The following DCDC1 variants were observed in gnomAD, a reference collection of about 807,000 sequenced individuals.
DCDC1 encodes doublecortin domain-containing protein 1.
Under a neutral mutation model 178.3 loss-of-function variants are expected in DCDC1, and 200 were observed. The observed-to-expected ratio is 1.12, with a 90% CI of 1.00 to 1.26. The LOEUF is 1.26. DCDC1 is among the 50% of genes most tolerant of loss of function. The probability of loss-of-function intolerance (pLI) is 0.00; values close to 1 mark genes in which losing one functional copy is unlikely to be tolerated. For missense variants in DCDC1, 1,983 were observed against 1,749.2 expected (o/e 1.13, Z -2.38); for synonymous variants, 690 against 604.8 (o/e 1.14, Z -2.07).
At chr11:31,101,499 C>T (rs1958500413) in intron 15 of DCDC1, among the ~76,000 whole-genome samples, 1 of 151,996 alleles carries the variant, frequency 6.6e-6, no homozygotes, top group Non-Finnish European at 1.5e-5. Flanking sequence ...ACCTGTAGAG[C>T]AAATAGATCA....
intron 8 of DCDC1, among the ~76,000 whole-genome samples, chr11:31,261,354 C>A (rs2137071087): frequency 6.6e-6 from 1 of 152,194 alleles, no homozygotes; most frequent in Admixed American, 6.5e-5. Flanking sequence ...CCCTAGTTTC[C>A]CCATATCCCT....
At chr11:31,054,052 T>G (rs954982689) in intron 20 of DCDC1, among the ~76,000 whole-genome samples, 7 of 152,088 alleles carry the variant, frequency 4.6e-5, no homozygotes, top group Admixed American at 3.9e-4. Context: ...GCTGATGATA[T>G]GATTGTTTTA....
chr11:31,069,281 A>T lies in DCDC1; in HGVS notation c.2299-4128T>A, dbSNP rs571725635. ...TTTGGAACGAGATTTTTGAATCACT[A>T]AGCTAATCCAAAACATTAGCAAAAA... On this transcript the variant is annotated intron_variant, in intron 18 of 38. Coordinates refer to ENST00000684477, the MANE Select transcript of DCDC1 (RefSeq NM_001387274.1). Among the ~76,000 whole-genome samples, 165 of 152,340 alleles carry T rather than the reference A, an allele frequency of 1.1e-3. 3 individuals are homozygous for T. Among genetic ancestry groups the T allele is most frequent in the Non-Finnish European group, 3.7e-4 (25 of 68,022 alleles).
intron 1 of DCDC1, among the ~76,000 whole-genome samples, chr11:31,363,185 C>A (rs1951795302): frequency 6.6e-6 from 1 of 151,892 alleles, no homozygotes; most frequent in Non-Finnish European, 1.5e-5. Flanking sequence ...AAAATATTAA[C>A]CAACACTAAC....
intron 9 of DCDC1, among the ~76,000 whole-genome samples, chr11:31,211,848 C>T (rs544792886): frequency 3.3e-5 from 5 of 152,030 alleles, no homozygotes; most frequent in South Asian, 4.2e-4. Flanking sequence ...TTTGGAAGGC[C>T]GAGGCAGGTG....
chr11:30,987,626 A>G (rs1950730115), intron 20 of DCDC1, among the ~76,000 whole-genome samples: 1 of 151,860 alleles, frequency 6.6e-6, no homozygotes, highest in Non-Finnish European at 1.5e-5. Flanking sequence ...AATGACAAGA[A>G]AAAATGAGCC....
At chr11:30,996,924 T>C (rs560936660) in intron 20 of DCDC1, among the ~76,000 whole-genome samples, 1 of 152,280 alleles carries the variant, frequency 6.6e-6, no homozygotes, top group South Asian at 2.1e-4. Context: ...TCACCAAATA[T>C]TGAAAACAAC....
Position 30,963,624 on chromosome 11 carries a change from G to C in DCDC1, c.2592-11056C>G, listed in dbSNP as rs557144574. 2.6e-5 allele frequency among the ~76,000 whole-genome samples: 4 copies of C among 152,222 alleles called. 1 individual carries two copies. Among genetic ancestry groups the C allele is most frequent in the African/African-American group, 9.6e-5 (4 of 41,544 alleles). On this transcript the variant is annotated intron_variant, in intron 20 of 38. Transcript: ENST00000684477. ...TCCCACTGACTGAGAGATGATAAGAGCTGGACTAACTGCTTTAGAGCCATA... is the reference window on the plus strand; with the variant it reads ...TCCCACTGACTGAGAGATGATAAGACCTGGACTAACTGCTTTAGAGCCATA...
chr11:31,168,700 T>A (rs1966867558), intron 9 of DCDC1, among the ~76,000 whole-genome samples: 1 of 152,156 alleles, frequency 6.6e-6, no homozygotes, highest in Non-Finnish European at 1.5e-5. Flanking sequence ...CTTAGTGGAA[T>A]CTCTTCGTAT....
In DCDC1 at chr11:31,052,582, AGG is replaced by A. The variant is rs1448185025; in HGVS notation, c.2591+11885_2591+11886del. Among the ~76,000 whole-genome samples, 16 of 152,346 alleles carry A rather than the reference AGG, an allele frequency of 1.1e-4. No homozygotes were observed. In the East Asian group the frequency reaches 2.9e-3, roughly 28 times the overall value. ...TTCAACAGTGCATGGAACTTTCACC[AGG>A]ATAGACCATATGATAGGCCATAAAA... On this transcript the variant is annotated intron_variant, in intron 20 of 38. Transcript: ENST00000684477.
intron 14 of DCDC1, 141 bp from the exon 15 acceptor site, chr11:31,102,423 A>G (rs1958572333): frequency 4.4e-6 from 2 of 455,712 alleles, no homozygotes; most frequent in Non-Finnish European, 7.9e-6. Flanking sequence ...TCTTGCCTGG[A>G]AAGTACCAGC....
chr11:30,938,346 C>T (rs1301669971), intron 21 of DCDC1, among the ~76,000 whole-genome samples: 1 of 152,120 alleles, frequency 6.6e-6, no homozygotes, highest in Non-Finnish European at 1.5e-5. Context: ...CAAAGACGGA[C>T]AGCTCTGCTG....
intron 9 of DCDC1, among the ~76,000 whole-genome samples, chr11:31,232,021 C>T (rs1342696193): frequency 1.3e-5 from 2 of 152,168 alleles, no homozygotes; most frequent in East Asian, 1.9e-4. Flanking sequence ...ATCTCAGATC[C>T]TGAGACTGAG....
chr11:31,325,579 T>C (rs1949602525), intron 3 of DCDC1, among the ~76,000 whole-genome samples: 1 of 151,768 alleles, frequency 6.6e-6, no homozygotes, highest in Non-Finnish European at 1.5e-5. Context: ...AGGAAACACA[T>C]GGAAAGAAAG....
intron 3 of DCDC1, among the ~76,000 whole-genome samples, chr11:31,312,000 C>T (rs1330638031): frequency 1.3e-5 from 2 of 152,046 alleles, no homozygotes; most frequent in South Asian, 2.1e-4. Context: ...GTGCTTGGGG[C>T]CAGAAGAATC....
chr11:30,888,135 A>G (rs1266686223), intron 36 of DCDC1, among the ~76,000 whole-genome samples: 7 of 146,168 alleles, frequency 4.8e-5, no homozygotes, highest in African/African-American at 1.8e-4. Context: ...AGAAAGAAAG[A>G]AAGAAAGAAA....
intron 20 of DCDC1, among the ~76,000 whole-genome samples, chr11:30,996,465 G>C (rs900334370): frequency 1.1e-4 from 13 of 115,482 alleles, no homozygotes; most frequent in Non-Finnish European, 2.6e-4. Context: ...TTAATCCCCA[G>C]TGCAAGAGTA....
At chr11:31,013,671 C>A (rs1952305720) in intron 20 of DCDC1, among the ~76,000 whole-genome samples, 1 of 152,110 alleles carries the variant, frequency 6.6e-6, no homozygotes, top group African/African-American at 2.4e-5. Flanking sequence ...GTACAACAAT[C>A]CCTTCACTGC....
At chr11:31,021,309 T>A (rs911096789) in intron 20 of DCDC1, among the ~76,000 whole-genome samples, 1 of 152,168 alleles carries the variant, frequency 6.6e-6, no homozygotes, top group Non-Finnish European at 1.5e-5. Context: ...TTAAAAAGCA[T>A]AAGACTAGAA....
Sources: allele counts gnomAD v4.1 joint callset (sites outside exome capture counted in the v4.1 genomes callset), GRCh38; gene constraint gnomAD v4.1.1; transcripts MANE v1.5; gene names NCBI Gene and HGNC (gene_info 2026-07-23, HGNC 2026-07-21).